Variants in ATXN7L1 observed in about 807,000 individuals in gnomAD.
ATXN7L1 encodes ataxin 7 like 1, also known as ataxin-7-like protein 1.
In ATXN7L1, 15 loss-of-function variants were observed where a neutral mutation model predicts 70.8. That is an observed-to-expected ratio of 0.21 (90% CI 0.14 to 0.33). The LOEUF (loss-of-function observed/expected upper bound fraction) is 0.33, where lower values mean the gene tolerates loss of function less well. ATXN7L1 is among the 10% of genes least tolerant of loss of function. ATXN7L1 has a pLI of 1.00. For missense variants in ATXN7L1, 975 were observed against 1,097.1 expected, an observed-to-expected ratio of 0.89 and a Z score of 1.57; for synonymous variants, 440 against 445.1, an observed-to-expected ratio of 0.99 and a Z score of 0.14.
intron 2 of ATXN7L1, among the ~76,000 whole-genome samples, chr7:105,839,083 C>A (rs1812826558): frequency 6.6e-6 from 1 of 152,220 alleles, no homozygotes; most frequent in African/African-American, 2.4e-5. Flanking sequence ...GGCAACCAAT[C>A]AAACTAGCCA....
chr7:105,870,440 A>C (rs1438131680), intron 2 of ATXN7L1, among the ~76,000 whole-genome samples: 1 of 152,144 alleles, frequency 6.6e-6, no homozygotes, highest in East Asian at 1.9e-4. Context: ...AATTAGAATA[A>C]AGTTTTCTAG....
At chr7:105,768,902 C>T (rs571311233) in intron 3 of ATXN7L1, among the ~76,000 whole-genome samples, 2 of 152,340 alleles carry the variant, frequency 1.3e-5, no homozygotes, top group Admixed American at 1.3e-4. Context: ...TTGGAAGTTT[C>T]ATAAAAGTAA....
intron 2 of ATXN7L1, among the ~76,000 whole-genome samples, chr7:105,828,933 C>T (rs1044710211): frequency 2.6e-5 from 4 of 152,164 alleles, no homozygotes; most frequent in Non-Finnish European, 5.9e-5. Context: ...AGATACTTCT[C>T]AAATTATGTC....
chr7:105,859,782 C>CTTTTT, intron 2 of ATXN7L1, among the ~76,000 whole-genome samples: 1 of 94,126 alleles, frequency 1.1e-5, no homozygotes, highest in Non-Finnish European at 2.2e-5. Context: ...TTCTTTCTTT[C>CTTTTT]TTTTTTTTTT....
At chr7:105,717,025 T>A (rs1215939606) in intron 3 of ATXN7L1, among the ~76,000 whole-genome samples, 1 of 152,168 alleles carries the variant, frequency 6.6e-6, no homozygotes, top group Non-Finnish European at 1.5e-5. Flanking sequence ...CAGTCAAAAA[T>A]ACACAGATAT....
chr7:105,615,223 C>T (rs1350964329), intron 9 of ATXN7L1, among the ~76,000 whole-genome samples: 3 of 152,086 alleles, frequency 2.0e-5, no homozygotes, highest in Admixed American at 1.3e-4. Flanking sequence ...GATCATTTCA[C>T]ATGTAGGTCC....
rs1357183890 is a variant in ATXN7L1, at chr7:105,607,108, C to T, written c.*744G>A. 1 of 152,912 alleles carries T rather than the reference C, an allele frequency of 6.5e-6. No homozygotes were observed. Among genetic ancestry groups the T allele is most frequent in the African/African-American group, 2.4e-5 (1 of 41,434 alleles). 9.5% of individuals were successfully genotyped at this position (152,912 alleles called of 1,614,324 possible). On this transcript the variant is annotated 3_prime_UTR_variant, in exon 12 of 12. Coordinates refer to ENST00000419735, the MANE Select transcript of ATXN7L1 (RefSeq NM_020725.2). ...CCATGCTCTGCTTGCTGCCACCTTCCCAAACCTGTTCTGGCCCCTGTCCCT... is the reference window on the plus strand; with the variant it reads ...CCATGCTCTGCTTGCTGCCACCTTCTCAAACCTGTTCTGGCCCCTGTCCCT...
chr7:105,783,485 G>C (rs145767453), intron 3 of ATXN7L1, among the ~76,000 whole-genome samples: 1 of 152,056 alleles, frequency 6.6e-6, no homozygotes, highest in Non-Finnish European at 1.5e-5. Flanking sequence ...GCTGGGGGCC[G>C]GTCACCAGAA....
At chr7:105,848,741 G>C (rs901245307) in intron 2 of ATXN7L1, among the ~76,000 whole-genome samples, 4 of 152,164 alleles carry the variant, frequency 2.6e-5, no homozygotes, top group African/African-American at 7.2e-5. Context: ...TGAAGAAAAA[G>C]CATCATTAAA....
At chr7:105,721,659 C>T (rs1028918688) in intron 3 of ATXN7L1, among the ~76,000 whole-genome samples, 2 of 152,194 alleles carry the variant, frequency 1.3e-5, no homozygotes, top group African/African-American at 2.4e-5. Context: ...TTGTAAAAAT[C>T]GTGAACACCC....
intron 2 of ATXN7L1, among the ~76,000 whole-genome samples, chr7:105,844,855 C>CA (rs1813738388): frequency 6.6e-6 from 1 of 152,050 alleles, no homozygotes; most frequent in Non-Finnish European, 1.5e-5. Flanking sequence ...ACAAAGAAAA[C>CA]TATGAGAGTT....
intron 2 of ATXN7L1, among the ~76,000 whole-genome samples, chr7:105,852,140 GC>G (rs2116633295): frequency 6.6e-6 from 1 of 152,156 alleles, no homozygotes; most frequent in East Asian, 1.9e-4. Context: ...GTTCCCAGAG[GC>G]TTGCCCCTGC....
At chr7:105,772,104 C>T (rs563678183) in intron 3 of ATXN7L1, among the ~76,000 whole-genome samples, 101 of 118,242 alleles carry the variant, frequency 8.5e-4, no homozygotes, top group African/African-American at 2.9e-3. Flanking sequence ...GACAGAGTCT[C>T]GCTCTGTCGC....
At chr7:105,634,459 C>G (rs1000869223) in intron 7 of ATXN7L1, among the ~76,000 whole-genome samples, 1 of 151,846 alleles carries the variant, frequency 6.6e-6, no homozygotes, top group African/African-American at 2.4e-5. Context: ...CATGAAAGTA[C>G]ATTTCTTATT....
intron 3 of ATXN7L1, among the ~76,000 whole-genome samples, chr7:105,705,553 G>T (rs1793048806): frequency 6.6e-6 from 1 of 152,102 alleles, no homozygotes; most frequent in African/African-American, 2.4e-5. Flanking sequence ...GCTGCAGAAG[G>T]ATCCGTCCCC....
At chr7:105,737,528 C>CGTGTGTGTGTGTGTGT (rs71520935) in intron 3 of ATXN7L1, among the ~76,000 whole-genome samples, 35 of 148,722 alleles carry the variant, frequency 2.4e-4, no homozygotes, top group African/African-American at 7.9e-4. Flanking sequence ...CTAACGTCCC[C>CGTGTGTGTGTGTGTGT]GTGTGTGTGT....
In ATXN7L1 at chr7:105,651,927, G is replaced by A. The variant is rs540275227; in HGVS notation, c.579-8806C>T. Among the ~76,000 whole-genome samples, 4 of 152,260 alleles carry A rather than the reference G, an allele frequency of 2.6e-5. 1 individual carries two copies. The highest frequency in any genetic ancestry group is 9.6e-5 in the African/African-American group (4 of 41,552). On this transcript the variant is annotated intron_variant, in intron 4 of 11. Coordinates refer to ENST00000419735, the MANE Select transcript of ATXN7L1 (RefSeq NM_020725.2). ...GGCTGCTCCAATTTTCTGGAAGCAG[G>A]AGGCCCCAGCGCATGTCTCCCTGCT...
chr7:105,613,450 T>A, intron 10 of ATXN7L1: 1 of 1,028,346 alleles, frequency 9.7e-7, no homozygotes, highest in Non-Finnish European at 1.2e-6. Context: ...CCTAAGGGGG[T>A]TCCAACAGAT....
chr7:105,716,649 G>T (rs1369195336), intron 3 of ATXN7L1, among the ~76,000 whole-genome samples: 1 of 137,986 alleles, frequency 7.2e-6, no homozygotes, highest in African/African-American at 2.9e-5. Flanking sequence ...GGGCAACATG[G>T]CGAAAACCTA....
Sources: allele counts gnomAD v4.1 joint callset (sites outside exome capture counted in the v4.1 genomes callset), GRCh38; gene constraint gnomAD v4.1.1; transcripts MANE v1.5; gene names NCBI Gene and HGNC (gene_info 2026-07-23, HGNC 2026-07-21).